Variants in OR2I1 observed in about 807,000 individuals in gnomAD.
OR2I1 encodes olfactory receptor family 2 subfamily I member 1 (gene/pseudogene).
the OR2I1 span, chr6:29,553,474 G>A: frequency 1.0e-5 from 4 of 398,620 alleles, no homozygotes; most frequent in Non-Finnish European, 1.8e-5. Context: ...CAACCTGCGC[G>A]GACCAGCGCT....
chr6:29,556,079 T>C, the OR2I1 span: 4 of 1,613,156 alleles, frequency 2.5e-6, no homozygotes, highest in South Asian at 4.4e-5. Flanking sequence ...GAGGTGCCTC[T>C]TTGCCTCATC....
chr6:29,554,935 A>G, the OR2I1 span: 31,349 of 152,134 alleles, frequency 0.21, 4,044 homozygotes, highest in South Asian at 0.3. Flanking sequence ...GGATCTCCTC[A>G]TGAAAAAAAG....
the OR2I1 span, among the ~76,000 whole-genome samples, chr6:29,552,053 A>G: frequency 6.6e-6 from 1 of 152,242 alleles, no homozygotes; most frequent in Non-Finnish European, 1.5e-5. Context: ...ATGCAGCAGA[A>G]AGATTTCTGT....
the OR2I1 span, chr6:29,553,482 G>C: frequency 7.5e-6 from 3 of 398,560 alleles, no homozygotes; most frequent in African/African-American, 6.2e-5. Flanking sequence ...GCGGACCAGC[G>C]CTCTGGCTGC....
the OR2I1 span, chr6:29,556,029 C>T: frequency 5.0e-6 from 8 of 1,613,036 alleles, no homozygotes; most frequent in Non-Finnish European, 6.8e-6. Context: ...TCGATCATTG[C>T]TTTCACTTGT....
the OR2I1 span, chr6:29,556,441 A>G: frequency 5.6e-6 from 5 of 896,468 alleles, no homozygotes; most frequent in Non-Finnish European, 8.5e-6. Context: ...CTCTTCCACT[A>G]TCTATCTGGT....
the OR2I1 span, chr6:29,556,354 G>T: frequency 6.2e-7 from 1 of 1,606,520 alleles, no homozygotes; most frequent in African/African-American, 1.3e-5. Context: ...CATGCACCTG[G>T]GAAGTGAAAG....
At chr6:29,554,374 A>G in the OR2I1 span, 1 of 385,206 alleles carries the variant, frequency 2.6e-6, no homozygotes, top group Non-Finnish European at 4.6e-6. Context: ...ACTCAGGTTT[A>G]GGGAAGGAAA....
At chr6:29,553,003 T>C in the OR2I1 span, 3 of 374,868 alleles carry the variant, frequency 8.0e-6, no homozygotes, top group Non-Finnish European at 1.4e-5. Context: ...CTACCGAGTG[T>C]TGGCCAGGCC....
the OR2I1 span, chr6:29,555,626 C>T: frequency 1.0e-5 from 5 of 486,092 alleles, no homozygotes; most frequent in East Asian, 1.6e-4. Flanking sequence ...TTTGAATGCT[C>T]TATTTTGCCT....
chr6:29,550,605 G>A, the OR2I1 span: 2 of 152,188 alleles, frequency 1.3e-5, no homozygotes, highest in Non-Finnish European at 1.5e-5. Flanking sequence ...ACAAATGTAG[G>A]TTCTTTCTTA....
At chr6:29,555,864 C>T in the OR2I1 span, 3 of 1,602,396 alleles carry the variant, frequency 1.9e-6, no homozygotes, top group African/African-American at 2.7e-5. Context: ...CTGCCAACAC[C>T]CCATGCCCAG....
the OR2I1 span, chr6:29,554,988 T>C: frequency 1.3e-5 from 2 of 152,204 alleles, no homozygotes; most frequent in African/African-American, 4.8e-5. Flanking sequence ...AGCAGAATAT[T>C]GAGGTCAACC....
At chr6:29,551,229 G>A in the OR2I1 span, among the ~76,000 whole-genome samples, 2 of 152,192 alleles carry the variant, frequency 1.3e-5, no homozygotes. Flanking sequence ...CCATTGGTCT[G>A]TAAGCCTGAA....
At chr6:29,553,980 G>A in the OR2I1 span, 4 of 398,718 alleles carry the variant, frequency 1.0e-5, no homozygotes, top group South Asian at 5.1e-4. Flanking sequence ...TCTACGGCTC[G>A]GCCATCTACA....
At chr6:29,552,018 C>T in the OR2I1 span, among the ~76,000 whole-genome samples, 3,944 of 152,146 alleles carry the variant, frequency 0.026, 141 homozygotes, top group African/African-American at 0.075. Context: ...ATAAGTTATC[C>T]ATATAATAAT....
the OR2I1 span, chr6:29,556,866 A>G: frequency 6.4e-6 from 1 of 155,260 alleles, no homozygotes; most frequent in African/African-American, 2.4e-5. Context: ...CTGAGGCAGG[A>G]GAATCATTTG....
chr6:29,550,461 G>C, the OR2I1 span: 11 of 152,268 alleles, frequency 7.2e-5, no homozygotes, highest in Admixed American at 5.9e-4. Flanking sequence ...AGATCCAGGA[G>C]GGATATTTGC....
chr6:29,551,625 T>C, the OR2I1 span, among the ~76,000 whole-genome samples: 5 of 152,208 alleles, frequency 3.3e-5, no homozygotes, highest in Admixed American at 1.3e-4. Context: ...GAAACAGATA[T>C]GACGATAGTT....
Sources: allele counts gnomAD v4.1 joint callset (sites outside exome capture counted in the v4.1 genomes callset), GRCh38; gene constraint gnomAD v4.1.1; transcripts MANE v1.5; gene names NCBI Gene and HGNC (gene_info 2026-07-23, HGNC 2026-07-21).